CALD1: variants seen among roughly 807,000 people sequenced by gnomAD.
The protein encoded by CALD1 is caldesmon 1.
In CALD1, 33 loss-of-function variants were observed where a neutral mutation model predicts 99.9. That is an observed-to-expected ratio of 0.33 (90% CI 0.25 to 0.44). CALD1 has a LOEUF of 0.44. CALD1 is among the 20% of genes least tolerant of loss of function. CALD1 has a pLI of 1.00. For synonymous variants in CALD1, 310 were observed against 325.0 expected, an observed-to-expected ratio of 0.95 and a Z score of 0.50; for missense variants, 861 against 962.1, an observed-to-expected ratio of 0.89 and a Z score of 1.39.
rs112633425 is a variant in CALD1, at chr7:134,958,240, A to G, written c.2011A>G (p.Ile671Val). The G allele has an allele frequency of 1.0e-3, 1,643 of 1,613,996 alleles. 21 individuals carry two copies. The African/African-American group carries it at 0.019, about 19-fold the overall frequency. ...TGTCAAATCGACCCATCAAGCAGCA[A>G]TAGTCTCCAAGATTGACAGCAGACT... ...SGVKSTHQAA[I>V]VSKIDSRLEQ... The change falls in exon 11 of 15, where the codon ATA (isoleucine) becomes GTA (valine). Residue 671 changes from isoleucine (I) to valine (V), a missense_variant. By Grantham distance (29) the Ile-to-Val change is conservative. Coordinates refer to ENST00000361675, the MANE Select transcript of CALD1 (RefSeq NM_033138.4).
intron 1 of CALD1, among the ~76,000 whole-genome samples, chr7:134,821,277 TA>T (rs1292802101): frequency 7.6e-6 from 1 of 131,380 alleles, no homozygotes; most frequent in Non-Finnish European, 1.7e-5. Flanking sequence ...CCCAGTCTTT[TA>T]GTTTTTTTCA....
chr7:134,808,946 G>C (rs1798253225), intron 1 of CALD1, among the ~76,000 whole-genome samples: 1 of 152,170 alleles, frequency 6.6e-6, no homozygotes, highest in Non-Finnish European at 1.5e-5. Context: ...GTGATGAGGG[G>C]CTCATTGCCA....
At chr7:134,761,190 G>A (rs1796773203) in intron 1 of CALD1, among the ~76,000 whole-genome samples, 1 of 152,126 alleles carries the variant, frequency 6.6e-6, no homozygotes. Flanking sequence ...TCTAAAATTG[G>A]CTCTGCGTGA....
intron 2 of CALD1, among the ~76,000 whole-genome samples, chr7:134,857,616 A>G (rs1462230569): frequency 6.6e-6 from 1 of 152,132 alleles, no homozygotes; most frequent in Non-Finnish European, 1.5e-5. Context: ...AAGCAATCTA[A>G]GTACTTTTCA....
intron 3 of CALD1, among the ~76,000 whole-genome samples, chr7:134,917,107 AAG>A (rs2132762645): frequency 6.6e-6 from 1 of 152,344 alleles, no homozygotes; most frequent in East Asian, 1.9e-4. Flanking sequence ...ATGCAAGAGA[AAG>A]AGCTGGAAAA....
chr7:134,814,842 G>A (rs1010891189), intron 1 of CALD1, among the ~76,000 whole-genome samples: 1 of 152,126 alleles, frequency 6.6e-6, no homozygotes, highest in African/African-American at 2.4e-5. Flanking sequence ...AGAAACCTGG[G>A]TATTGGTCTT....
chr7:134,761,290 T>G (rs1796774030), intron 1 of CALD1, among the ~76,000 whole-genome samples: 1 of 152,118 alleles, frequency 6.6e-6, no homozygotes, highest in Non-Finnish European at 1.5e-5. Flanking sequence ...AGAAAAAAAC[T>G]TTAGTGTTTT....
intron 1 of CALD1, chr7:134,745,489 T>A (rs995935600): frequency 6.6e-6 from 1 of 152,200 alleles, no homozygotes; most frequent in African/African-American, 2.4e-5. Context: ...TTAAACTCCC[T>A]CCCTTGCATT....
intron 1 of CALD1, among the ~76,000 whole-genome samples, chr7:134,759,520 A>G (rs1036312638): frequency 6.6e-6 from 1 of 152,212 alleles, no homozygotes; most frequent in African/African-American, 2.4e-5. Context: ...AAGAGGCAGC[A>G]AGGCACATTC....
In CALD1 at chr7:134,935,717, T is replaced by C; in HGVS notation, c.1338T>C (p.Ala446=). ...AAGAGAAGGGAACTAAAGTGCAAGC[T>C]AAAAGAGAAAAGCTCCAAGAAGACA... ...QGEEKGTKVQ[A]KREKLQEDKP... is the part of the protein sequence containing the mutation. The change falls in exon 6 of 15, where the codon GCT becomes GCC. Residue 446 remains alanine, a synonymous_variant. Coordinates refer to ENST00000361675, the MANE Select transcript of CALD1 (RefSeq NM_033138.4). 1 of 1,604,938 alleles carries C rather than the reference T, an allele frequency of 6.2e-7. No homozygotes were observed. The highest frequency in any genetic ancestry group is 8.5e-7 in the Non-Finnish European group (1 of 1,176,468).
upstream of CALD1, among the ~76,000 whole-genome samples, chr7:134,776,655 T>C (rs1796920908): frequency 1.3e-5 from 2 of 152,194 alleles, no homozygotes; most frequent in South Asian, 4.1e-4. Context: ...TTGGCAAAGG[T>C]TTTATCTGAC....
At chr7:134,718,737 A>AT in the CALD1 span, among the ~76,000 whole-genome samples, 1 of 152,158 alleles carries the variant, frequency 6.6e-6, no homozygotes, top group African/African-American at 2.4e-5. Flanking sequence ...GAATAATAAA[A>AT]TTCTTTGTCT....
rs1432830090 is a variant in CALD1 at position 134,933,140 on chromosome 7, C to T, written c.371C>T (p.Thr124Ile). The T allele has an allele frequency of 5.0e-6, 8 of 1,613,428 alleles. No individual in the cohort carries two copies. The East Asian group carries it at 1.6e-4, about 31-fold the overall frequency. ...GAGCGGCAGAAGGAGTTCGACCCAA[C>T]AATAACAGATGCAAGTCTGTCGCTC... Reference protein sequence around the residue: ...ALERQKEFDPTITDASLSLPS... With the variant: ...ALERQKEFDPIITDASLSLPS... Residue 124 changes from threonine to isoleucine, a missense_variant, in exon 5 of 15, where the codon ACA becomes ATA. Coordinates refer to ENST00000361675, the MANE Select transcript of CALD1 (RefSeq NM_033138.4).
chr7:134,738,749 C>T, the CALD1 span, among the ~76,000 whole-genome samples: 8 of 152,112 alleles, frequency 5.3e-5, no homozygotes, highest in Non-Finnish European at 1.0e-4. Context: ...TTTTAAAGTC[C>T]CCTCTAGACT....
At chr7:134,784,240 A>C (rs1193609084) in intron 1 of CALD1, among the ~76,000 whole-genome samples, 1 of 152,246 alleles carries the variant, frequency 6.6e-6, no homozygotes, top group African/African-American at 2.4e-5. Context: ...AAAAGGGAAT[A>C]ATCTCACTTG....
chr7:134,967,006 C>T (rs1180425039), intron 14 of CALD1, among the ~76,000 whole-genome samples: 1 of 152,070 alleles, frequency 6.6e-6, no homozygotes, highest in Admixed American at 6.5e-5. Flanking sequence ...CTCAGAATGG[C>T]AGTCCCAGTG....
chr7:134,791,153 G>A (rs534729816), intron 1 of CALD1, among the ~76,000 whole-genome samples: 3 of 149,746 alleles, frequency 2.0e-5, no homozygotes, highest in Admixed American at 6.7e-5. Context: ...GAATATTCAC[G>A]GGGTCACTCT....
intron 2 of CALD1, among the ~76,000 whole-genome samples, chr7:134,862,845 T>C (rs1800620875): frequency 6.6e-6 from 1 of 152,226 alleles, no homozygotes; most frequent in Admixed American, 6.5e-5. Context: ...AGTTGGTCTA[T>C]AATAACAGTA....
chr7:134,715,066 C>A, the CALD1 span, among the ~76,000 whole-genome samples: 189 of 152,268 alleles, frequency 1.2e-3, 1 homozygote, highest in Non-Finnish European at 1.0e-3. Context: ...CATATGTTAC[C>A]CATGGGGCAA....
Sources: allele counts gnomAD v4.1 joint callset (sites outside exome capture counted in the v4.1 genomes callset), GRCh38; gene constraint gnomAD v4.1.1; transcripts MANE v1.5; gene names NCBI Gene and HGNC (gene_info 2026-07-23, HGNC 2026-07-21).